Variants in RHEX observed in about 807,000 individuals in gnomAD.
RHEX encodes the protein regulator of hemoglobinization and erythroid cell expansion, also known as regulator of hemoglobinization and erythroid cell expansion protein.
Under a neutral mutation model 20.1 loss-of-function variants are expected in RHEX, and 18 were observed. The observed-to-expected ratio is 0.90, with a 90% CI of 0.62 to 1.33. RHEX has a LOEUF of 1.33. Ranked by LOEUF, RHEX falls within the 40% of genes most tolerant of loss-of-function variation. RHEX has a pLI of 0.00. For missense variants in RHEX, 192 were observed against 214.3 expected, an observed-to-expected ratio of 0.90 and a Z score of 0.65; for synonymous variants, 87 against 77.1, an observed-to-expected ratio of 1.13 and a Z score of -0.67.
intron 1 of RHEX, among the ~76,000 whole-genome samples, chr1:206,054,781 A>G (rs1662155360): frequency 6.6e-6 from 1 of 152,286 alleles, no homozygotes; most frequent in Admixed American, 6.5e-5. Flanking sequence ...TAAAGGTAAA[A>G]TTTAGCTTAT....
Position 206,077,633 on chromosome 1 carries a change from A to G in RHEX, c.-96-20100A>G, listed in dbSNP as rs74144327. 5.2e-3 allele frequency among the ~76,000 whole-genome samples: 790 copies of G among 152,260 alleles called. 5 individuals are homozygous for G. Among genetic ancestry groups the G allele is most frequent in the African/African-American group, 0.018 (746 of 41,546 alleles). On this transcript the variant is annotated intron_variant, in intron 1 of 5. Transcript: ENST00000331555. ...CAAAAAATTAAAAAGTTAGCAGGGC[A>G]TGGTGGTGAGTGCCTGCAGGCCTAG...
At chr1:206,054,791 T>A (rs1279386090) in intron 1 of RHEX, among the ~76,000 whole-genome samples, 1 of 152,274 alleles carries the variant, frequency 6.6e-6, no homozygotes, top group Non-Finnish European at 1.5e-5. Context: ...ATTTAGCTTA[T>A]CTGGTATAAA....
intron 1 of RHEX, among the ~76,000 whole-genome samples, chr1:206,078,553 C>G (rs1444194001): frequency 1.3e-5 from 2 of 151,812 alleles, no homozygotes; most frequent in African/African-American, 4.8e-5. Flanking sequence ...AGAGTGAGAC[C>G]CTGTTTCCAA....
intron 1 of RHEX, among the ~76,000 whole-genome samples, chr1:206,096,140 C>T (rs898505010): frequency 2.0e-5 from 3 of 152,076 alleles, no homozygotes; most frequent in Non-Finnish European, 2.9e-5. Context: ...CAATTTGGGG[C>T]GATTTTCTAA....
chr1:206,054,104 A>G (rs1240093499), intron 1 of RHEX, among the ~76,000 whole-genome samples: 2 of 147,494 alleles, frequency 1.4e-5, no homozygotes, highest in Non-Finnish European at 3.0e-5. Flanking sequence ...CTTTAAAAAA[A>G]AAAAAAAGGA....
rs1053369617 is a variant in RHEX, at chr1:206,102,386, C to T, written c.*434C>T. The stretch of plus-strand genomic sequence containing the variant: ...CATGGTTAAATGACTTCCCTTTGAG[C>T]TCTTTAATTATTGGCAATAAACAAC... On this transcript the variant is annotated 3_prime_UTR_variant, in exon 6 of 6. Coordinates refer to ENST00000331555, the MANE Select transcript of RHEX (RefSeq NM_001007544.4). 2.4e-5 allele frequency: 4 copies of T among 164,180 alleles called. No individual in the cohort carries two copies. The highest frequency in any genetic ancestry group is 9.6e-5 in the African/African-American group (4 of 41,676). 10.2% of individuals were successfully genotyped at this position (164,180 alleles called of 1,614,324 possible).
At chr1:206,078,664 C>T (rs1662680359) in intron 1 of RHEX, among the ~76,000 whole-genome samples, 1 of 152,176 alleles carries the variant, frequency 6.6e-6, no homozygotes, top group Non-Finnish European at 1.5e-5. Flanking sequence ...TCTTAAACAA[C>T]TCTGTAAGGT....
chr1:206,078,678 C>T (rs1662680553), intron 1 of RHEX, among the ~76,000 whole-genome samples: 1 of 152,144 alleles, frequency 6.6e-6, no homozygotes. Flanking sequence ...GTAAGGTGGA[C>T]ATTTTAATGC....
At chr1:206,065,079 C>T (rs1316214251) in intron 1 of RHEX, among the ~76,000 whole-genome samples, 1 of 152,064 alleles carries the variant, frequency 6.6e-6, no homozygotes, top group Admixed American at 6.5e-5. Flanking sequence ...TTGAAGGCAG[C>T]ATGCTCATTA....
In RHEX at chr1:206,101,190, C is replaced by T. The variant is rs1663179280; in HGVS notation, c.311C>T (p.Ala104Val). The change falls in exon 5 of 6, where the codon GCC becomes GTC. Residue 104 changes from alanine to valine, a missense_variant. By Grantham distance (64) the Ala-to-Val change is moderately conservative. Coordinates refer to ENST00000331555, the MANE Select transcript of RHEX (RefSeq NM_001007544.4). ...GATAGCTCCTGCAGTTCGCCTCCTGCCTGCCAGGTAATGGATGTGCCTAGT... is the reference window on the plus strand; with the variant it reads ...GATAGCTCCTGCAGTTCGCCTCCTGTCTGCCAGGTAATGGATGTGCCTAGT... ...SLDSSCSSPP[A>V]CQATEDVDYT... 2 of 1,611,388 alleles carry T rather than the reference C, an allele frequency of 1.2e-6. No individual in the cohort carries two copies. The highest frequency in any genetic ancestry group is 8.5e-7 in the Non-Finnish European group (1 of 1,178,516).
At chr1:206,063,524 T>C (rs1463902741) in intron 1 of RHEX, among the ~76,000 whole-genome samples, 2 of 152,226 alleles carry the variant, frequency 1.3e-5, no homozygotes, top group African/African-American at 4.8e-5. Flanking sequence ...GCGGAGTGCC[T>C]GCAATTGCAG....
At chr1:206,100,573 G>A (rs962253624) in intron 4 of RHEX, among the ~76,000 whole-genome samples, 5 of 152,064 alleles carry the variant, frequency 3.3e-5, no homozygotes, top group African/African-American at 4.8e-5. Context: ...CTAACCCCTG[G>A]CCCCAAAGCT....
intron 1 of RHEX, among the ~76,000 whole-genome samples, chr1:206,080,897 C>T (rs141884462): frequency 2.6e-5 from 4 of 152,102 alleles, no homozygotes; most frequent in South Asian, 4.1e-4. Flanking sequence ...CTGCCTCTGG[C>T]GCTCAAACGA....
At chr1:206,101,655 T>C (rs1330534819) in intron 5 of RHEX, 97 bp from the exon 6 acceptor site, 1 of 926,918 alleles carries the variant, frequency 1.1e-6, no homozygotes, top group East Asian at 2.6e-5. Context: ...CACCAAGCCA[T>C]GGGCGAATCT....
At chr1:206,100,905 T>C (rs1006372585) in intron 4 of RHEX, among the ~76,000 whole-genome samples, 1 of 152,234 alleles carries the variant, frequency 6.6e-6, no homozygotes, top group Non-Finnish European at 1.5e-5. Context: ...CTCTTGGACA[T>C]GTCCCTGCCT....
chr1:206,065,088 TAAGAGTCATCA>T (rs1466731947), intron 1 of RHEX, among the ~76,000 whole-genome samples: 2 of 151,964 alleles, frequency 1.3e-5, no homozygotes, highest in Non-Finnish European at 2.9e-5. Context: ...GCATGCTCAT[TAAGAGTCATCA>T]CCACTCCCCA....
chr1:206,053,449 T>A (rs910860456), intron 1 of RHEX, 184 bp downstream of exon 1: 1 of 152,910 alleles, frequency 6.5e-6, no homozygotes, highest in Non-Finnish European at 1.5e-5. Context: ...TTGGTTTTGA[T>A]TTTGGTTTGG....
At chr1:206,063,563 C>T (rs1553283663) in intron 1 of RHEX, among the ~76,000 whole-genome samples, 1 of 152,256 alleles carries the variant, frequency 6.6e-6, no homozygotes, top group African/African-American at 2.4e-5. Flanking sequence ...GACTGGTTTT[C>T]CTATTTTTTT....
intron 1 of RHEX, among the ~76,000 whole-genome samples, chr1:206,055,865 A>C (rs2102301481): frequency 6.6e-6 from 1 of 152,406 alleles, no homozygotes; most frequent in South Asian, 2.1e-4. Flanking sequence ...TATCTCTCAA[A>C]ACAACTAGAT....
Sources: allele counts gnomAD v4.1 joint callset (sites outside exome capture counted in the v4.1 genomes callset), GRCh38; gene constraint gnomAD v4.1.1; transcripts MANE v1.5; gene names NCBI Gene and HGNC (gene_info 2026-07-23, HGNC 2026-07-21).